Variants in STK32A observed in about 807,000 individuals in gnomAD.
STK32A encodes serine/threonine kinase 32A, also known as serine/threonine-protein kinase 32A.
A neutral mutation model predicts 53.2 loss-of-function variants in STK32A; 41 were observed. The ratio of observed to expected loss-of-function variants is 0.77; its 90% CI spans 0.60 to 1.00. STK32A has a LOEUF of 1.00. Ranked by LOEUF, STK32A falls within the 50% of genes least tolerant of loss-of-function variation. The pLI, the probability that STK32A is intolerant of heterozygous loss-of-function variation, is 0.00. For missense variants in STK32A, 458 were observed against 485.8 expected, an observed-to-expected ratio of 0.94 and a Z score of 0.54; for synonymous variants, 166 against 162.8, an observed-to-expected ratio of 1.02 and a Z score of -0.15.
chr5:147,271,758 AC>A (rs552200771), intron 2 of STK32A, among the ~76,000 whole-genome samples: 1 of 152,224 alleles, frequency 6.6e-6, no homozygotes, highest in East Asian at 1.9e-4. Context: ...GGAAATTCCC[AC>A]CTAATAAATT....
intron 5 of STK32A, among the ~76,000 whole-genome samples, chr5:147,337,265 G>A (rs996065412): frequency 4.6e-5 from 7 of 152,132 alleles, no homozygotes; most frequent in Admixed American, 2.0e-4. Context: ...TCCAAAGTAT[G>A]CATCCTAGAA....
intron 2 of STK32A, among the ~76,000 whole-genome samples, chr5:147,256,187 C>G (rs1754228015): frequency 6.6e-6 from 1 of 152,188 alleles, no homozygotes; most frequent in Admixed American, 6.5e-5. Context: ...CCCTTCAGGT[C>G]TCCAAGGAAC....
intron 4 of STK32A, among the ~76,000 whole-genome samples, chr5:147,315,251 G>C (rs1753935688): frequency 6.6e-6 from 1 of 152,106 alleles, no homozygotes; most frequent in African/African-American, 2.4e-5. Flanking sequence ...TGAAAGCAGG[G>C]ACTCAAATAG....
intron 4 of STK32A, among the ~76,000 whole-genome samples, chr5:147,302,333 A>T (rs1753180318): frequency 6.6e-6 from 1 of 152,198 alleles, no homozygotes; most frequent in Admixed American, 6.6e-5. Context: ...AGTTTATTCG[A>T]GTACAAAGTT....
chr5:147,360,325 C>A (rs1325729781), intron 7 of STK32A, among the ~76,000 whole-genome samples: 2 of 151,630 alleles, frequency 1.3e-5, no homozygotes, highest in Non-Finnish European at 2.9e-5. Flanking sequence ...GTGGTACCCA[C>A]CTGTAGTCCC....
chr5:147,310,109 C>A (rs1753615500), intron 4 of STK32A, among the ~76,000 whole-genome samples: 1 of 152,064 alleles, frequency 6.6e-6, no homozygotes, highest in African/African-American at 2.4e-5. Flanking sequence ...CGTATTATTC[C>A]TGCGTTCCTG....
At chr5:147,239,790 T>C in intron 2 of STK32A, 104 bp downstream of exon 2, 1 of 891,762 alleles carries the variant, frequency 1.1e-6, no homozygotes, top group African/African-American at 1.7e-5. Context: ...TGTAGGGCCT[T>C]GAAGGAAAAA....
intron 4 of STK32A, among the ~76,000 whole-genome samples, chr5:147,296,964 T>G (rs1451747947): frequency 2.0e-5 from 3 of 152,222 alleles, no homozygotes; most frequent in Non-Finnish European, 4.4e-5. Context: ...GGACTCGGCA[T>G]GGACAGCTCT....
chr5:147,335,794 T>C (rs1755085446), intron 5 of STK32A, among the ~76,000 whole-genome samples: 1 of 152,000 alleles, frequency 6.6e-6, no homozygotes, highest in Admixed American at 6.5e-5. Context: ...TGTGTGTATG[T>C]GTGTGTGTGT....
At chr5:147,285,002 C>A (rs1897526) in intron 4 of STK32A, among the ~76,000 whole-genome samples, 99,941 of 151,972 alleles carry the variant, frequency 0.66, 33,203 homozygotes, top group Admixed American at 0.76. Flanking sequence ...CAAAGCAAGA[C>A]TAAGCAAAAA....
intron 4 of STK32A, among the ~76,000 whole-genome samples, chr5:147,315,214 C>G (rs569652976): frequency 2.6e-5 from 4 of 152,092 alleles, no homozygotes; most frequent in Non-Finnish European, 5.9e-5. Context: ...CCAACAATTC[C>G]GTTACTCAAT....
At chr5:147,265,579 G>C (rs967171845) in intron 2 of STK32A, among the ~76,000 whole-genome samples, 2 of 152,088 alleles carry the variant, frequency 1.3e-5, no homozygotes, top group African/African-American at 4.8e-5. Flanking sequence ...TGTTTTGTCA[G>C]ACTGCTAAAT....
intron 4 of STK32A, among the ~76,000 whole-genome samples, chr5:147,283,678 A>G (rs539107791): frequency 2.4e-4 from 37 of 152,292 alleles, no homozygotes; most frequent in African/African-American, 8.7e-4. Context: ...TTATGCACAT[A>G]AACTAGAAAA....
chr5:147,245,001 A>C (rs2151939769), intron 2 of STK32A, among the ~76,000 whole-genome samples: 2 of 152,340 alleles, frequency 1.3e-5, no homozygotes, highest in Middle Eastern at 6.8e-3. Flanking sequence ...TTCCACAGTT[A>C]ATTAGACCTA....
intron 2 of STK32A, among the ~76,000 whole-genome samples, chr5:147,254,983 C>CA (rs1051617065): frequency 6.6e-5 from 10 of 152,044 alleles, no homozygotes; most frequent in South Asian, 2.1e-4. Flanking sequence ...ACTAAAAATA[C>CA]AAAAAAATTA....
chr5:147,349,258 G>T (rs750248213), intron 6 of STK32A, among the ~76,000 whole-genome samples: 1 of 152,118 alleles, frequency 6.6e-6, no homozygotes, highest in Non-Finnish European at 1.5e-5. Context: ...AACACTTTCT[G>T]CACAAAATAA....
intron 4 of STK32A, among the ~76,000 whole-genome samples, chr5:147,299,230 T>C (rs1172256833): frequency 6.6e-6 from 1 of 152,130 alleles, no homozygotes; most frequent in Non-Finnish European, 1.5e-5. Flanking sequence ...TTTTAGATCA[T>C]ATAGGGTAAC....
At chr5:147,300,227 AT>A (rs1753064081) in intron 4 of STK32A, among the ~76,000 whole-genome samples, 1 of 152,150 alleles carries the variant, frequency 6.6e-6, no homozygotes, top group Non-Finnish European at 1.5e-5. Flanking sequence ...TTCCCATTCT[AT>A]TCCTGAAGAA....
chr5:147,276,017 A>G (rs891617336), intron 2 of STK32A, among the ~76,000 whole-genome samples: 1 of 152,194 alleles, frequency 6.6e-6, no homozygotes, highest in Non-Finnish European at 1.5e-5. Flanking sequence ...CTAGACTGGC[A>G]GTGGAGAAAT....
Sources: gnomAD v4.1 joint callset for allele counts (sites outside exome capture counted in the v4.1 genomes callset) on GRCh38, gnomAD v4.1.1 for gene constraint, MANE v1.5 for transcripts, NCBI Gene and HGNC (gene_info 2026-07-23, HGNC 2026-07-21) for gene names.